The following NECTIN1 variants were observed in gnomAD, a reference collection of about 807,000 sequenced individuals.
NECTIN1 encodes the protein nectin cell adhesion molecule 1.
Under a neutral mutation model 48.0 loss-of-function variants are expected in NECTIN1, and 23 were observed. The observed-to-expected ratio is 0.48, with a 90% CI of 0.34 to 0.68. The LOEUF (loss-of-function observed/expected upper bound fraction) is 0.68, where lower values mean the gene tolerates loss of function less well. Among genes scored for constraint, NECTIN1 ranks in the 30% least tolerant of loss-of-function variants. The probability of loss-of-function intolerance (pLI) is 0.01; values close to 1 mark genes in which losing one functional copy is unlikely to be tolerated. For missense variants in NECTIN1, 591 were observed against 709.9 expected (o/e 0.83, Z 1.90); for synonymous variants, 270 against 288.9 (o/e 0.93, Z 0.66).
At chr11:119,681,259 G>T (rs1336172573) in intron 1 of NECTIN1, among the ~76,000 whole-genome samples, 1 of 152,264 alleles carries the variant, frequency 6.6e-6, no homozygotes, top group Non-Finnish European at 1.5e-5. Context: ...GGCATAATTG[G>T]GGAACTTGCA....
intron 1 of NECTIN1, among the ~76,000 whole-genome samples, chr11:119,680,326 T>C (rs1251110484): frequency 6.6e-6 from 1 of 152,202 alleles, no homozygotes; most frequent in Non-Finnish European, 1.5e-5. Flanking sequence ...GTATACTTCA[T>C]GTCTTTGTAT....
intron 5 of NECTIN1, among the ~76,000 whole-genome samples, chr11:119,644,719 C>T (rs1352776330): frequency 1.3e-5 from 2 of 152,222 alleles, no homozygotes; most frequent in Middle Eastern, 3.4e-3. Context: ...AGGAGTTCAC[C>T]GCGAGAAGAA....
intron 1 of NECTIN1, among the ~76,000 whole-genome samples, chr11:119,701,240 T>C (rs1865446582): frequency 6.6e-6 from 1 of 152,202 alleles, no homozygotes; most frequent in Admixed American, 6.5e-5. Flanking sequence ...CAAACCAAAG[T>C]GACCTCATGA....
chr11:119,669,133 T>G (rs1864824226), intron 5 of NECTIN1, among the ~76,000 whole-genome samples: 1 of 152,216 alleles, frequency 6.6e-6, no homozygotes, highest in Non-Finnish European at 1.5e-5. Flanking sequence ...AAATGCAGGC[T>G]GGGCACAGTG....
intron 5 of NECTIN1, 147 bp downstream of exon 5, chr11:119,675,012 C>G (rs1469208874): frequency 1.9e-6 from 2 of 1,074,282 alleles, no homozygotes; most frequent in African/African-American, 3.2e-5. Context: ...AAAAGCAAAG[C>G]AAAACCAATG....
chr11:119,701,302 AAAT>A (rs1290366240), intron 1 of NECTIN1, among the ~76,000 whole-genome samples: 1 of 152,206 alleles, frequency 6.6e-6, no homozygotes, highest in Non-Finnish European at 1.5e-5. Flanking sequence ...CTGTCTCTCA[AAAT>A]AATGAGAGCT....
At chr11:119,721,076 T>C (rs1319629896) in intron 1 of NECTIN1, among the ~76,000 whole-genome samples, 2 of 152,196 alleles carry the variant, frequency 1.3e-5, no homozygotes, top group Non-Finnish European at 2.9e-5. Flanking sequence ...AGAGTCCATC[T>C]CTGGTGCTAG....
At chr11:119,689,444 C>A (rs1865214624) in intron 1 of NECTIN1, among the ~76,000 whole-genome samples, 1 of 152,246 alleles carries the variant, frequency 6.6e-6, no homozygotes, top group African/African-American at 2.4e-5. Context: ...ATGCCCCAGG[C>A]ACCTCCTGCT....
chr11:119,721,918 C>T (rs1255813519), intron 1 of NECTIN1, among the ~76,000 whole-genome samples: 1 of 152,242 alleles, frequency 6.6e-6, no homozygotes, highest in African/African-American at 2.4e-5. Flanking sequence ...CCTATATCCT[C>T]AACTTATTAC....
intron 1 of NECTIN1, among the ~76,000 whole-genome samples, chr11:119,714,537 G>T (rs534705212): frequency 1.4e-3 from 210 of 152,214 alleles, no homozygotes; most frequent in African/African-American, 4.9e-3. Flanking sequence ...CCACCGCAGG[G>T]TGAACTGATG....
intron 1 of NECTIN1, among the ~76,000 whole-genome samples, chr11:119,703,742 C>T (rs1311102925): frequency 1.3e-5 from 2 of 152,218 alleles, no homozygotes; most frequent in African/African-American, 4.8e-5. Flanking sequence ...TTTCCATCAA[C>T]CTGGATTATT....
intron 5 of NECTIN1, chr11:119,674,761 A>C: frequency 1.9e-6 from 3 of 1,591,436 alleles, no homozygotes; most frequent in Non-Finnish European, 2.6e-6. Context: ...GCCCATGAAG[A>C]GGTCCTTGAC....
intron 1 of NECTIN1, among the ~76,000 whole-genome samples, chr11:119,699,552 G>A (rs1364296655): frequency 1.3e-5 from 2 of 152,212 alleles, no homozygotes; most frequent in South Asian, 2.1e-4. Flanking sequence ...GGCACGGCTG[G>A]GCCTCGAGGC....
rs541253882 is a variant in NECTIN1, at chr11:119,719,648, A to G, written c.79+8827T>C. Among the ~76,000 whole-genome samples, 63 of 152,314 alleles carry G rather than the reference A, an allele frequency of 4.1e-4. No individual in the cohort carries two copies. In the South Asian group the frequency reaches 0.013, roughly 32 times the overall value. On this transcript the variant is annotated intron_variant, in intron 1 of 5. Coordinates refer to ENST00000264025, the MANE Select transcript of NECTIN1 (RefSeq NM_002855.5). ...ATACAAGTGTGTTATTATTATCCTC[A>G]TCAATGTTTCAAACAAGCAACTGTC...
rs535660071 is a variant in NECTIN1, at chr11:119,639,777, C to G, written c.1151+88G>C. 1.5e-5 allele frequency: 24 copies of G among 1,579,730 alleles called. No homozygotes were observed. The South Asian group carries it at 2.3e-4, about 15-fold the overall frequency. The stretch of plus-strand genomic sequence containing the variant: ...GCCCTAGAAAGGCCCTGAGCTTTCA[C>G]AAGTTTAGGTGCTTTAAGTCTGGGG... On this transcript the variant is annotated intron_variant, in intron 6 of 7. Coordinates refer to the NECTIN1 transcript ENST00000341398.
Position 119,683,237 on chromosome 11 carries a change from G to A in NECTIN1, c.80-4472C>T, listed in dbSNP as rs548446558. Among the ~76,000 whole-genome samples, 4 of 152,280 alleles carry A rather than the reference G, an allele frequency of 2.6e-5. No homozygotes were observed. Among genetic ancestry groups the A allele is most frequent in the African/African-American group, 9.6e-5 (4 of 41,546 alleles). Reference sequence around the variant, plus strand: ...AGGCTGGCCCAGATGTGGGAACTGGGACCACTAAAATGGTAGCATATTGGA... The same window carrying A: ...AGGCTGGCCCAGATGTGGGAACTGGAACCACTAAAATGGTAGCATATTGGA... On this transcript the variant is annotated intron_variant, in intron 1 of 5. Transcript: ENST00000264025. This position sits in a 1 kb window ranked among gnomAD's most constrained non-coding sequence, Gnocchi z 4.0.
chr11:119,661,338 A>G lies in NECTIN1; in HGVS notation c.*3409T>C. Reference sequence around the variant, plus strand: ...GGACAGGGGCTCCTCCTGGCCTCACAAGCTGGGCAGTGTTGGCAGCAGTGG... The same window carrying G: ...GGACAGGGGCTCCTCCTGGCCTCACGAGCTGGGCAGTGTTGGCAGCAGTGG... On this transcript the variant is annotated 3_prime_UTR_variant, in exon 6 of 6. Transcript: ENST00000264025. The G allele has an allele frequency of 1.0e-6, 1 of 986,262 alleles. No individual in the cohort carries two copies. The highest frequency in any genetic ancestry group is 1.2e-6 in the Non-Finnish European group (1 of 830,256). 61.1% of individuals were successfully genotyped at this position (986,262 alleles called of 1,614,324 possible). A position where few individuals can be genotyped will look rare whatever the true frequency, so the allele number is the denominator to read the frequency against.
rs1864695641 is a variant in NECTIN1, at chr11:119,663,059, A to T, written c.*1688T>A. On this transcript the variant is annotated 3_prime_UTR_variant, in exon 6 of 6. Coordinates refer to ENST00000264025, the MANE Select transcript of NECTIN1 (RefSeq NM_002855.5). ...GTTGGGGGGCTCCCTTAGGAAGCCT[A>T]TGGCAGGGTGGGTCAGTGCCCGTGG... 1 of 985,366 alleles carries T rather than the reference A, an allele frequency of 1.0e-6. No homozygotes were observed. Among genetic ancestry groups the T allele is most frequent in the Non-Finnish European group, 1.2e-6 (1 of 829,862 alleles). 61.0% of individuals were successfully genotyped at this position (985,366 alleles called of 1,614,324 possible).
intron 1 of NECTIN1, among the ~76,000 whole-genome samples, chr11:119,725,020 T>G (rs1865888711): frequency 6.6e-6 from 1 of 152,224 alleles, no homozygotes; most frequent in African/African-American, 2.4e-5. Flanking sequence ...TTCACCAGGT[T>G]AACCAGGAAG....
Sources: gnomAD v4.1 joint callset for allele counts (sites outside exome capture counted in the v4.1 genomes callset) on GRCh38, gnomAD v4.1.1 for gene constraint, Gnocchi (gnomAD v3.1) non-coding constraint, MANE v1.5 for transcripts, NCBI Gene and HGNC (gene_info 2026-07-23, HGNC 2026-07-21) for gene names.